The following SPAST variants were observed in gnomAD, a reference collection of about 807,000 sequenced individuals.
The protein encoded by SPAST is spastic paraplegia 4 (autosomal dominant; spastin).
In SPAST, 30 loss-of-function variants were observed where a neutral mutation model predicts 76.6. The ratio of observed to expected loss-of-function variants is 0.39; its 90% CI spans 0.29 to 0.53. The LOEUF is 0.53. SPAST is among the 20% of genes least tolerant of loss of function. SPAST has a pLI of 0.68. For missense variants in SPAST, 717 were observed against 770.5 expected (o/e 0.93, Z 0.82); for synonymous variants, 305 against 281.0 (o/e 1.09, Z -0.86).
intron 7 of SPAST, among the ~76,000 whole-genome samples, chr2:32,117,535 T>TC (rs1678882557): frequency 6.7e-6 from 1 of 149,646 alleles, no homozygotes; most frequent in Admixed American, 6.6e-5. Flanking sequence ...ATAATTCTTT[T>TC]TTTTTTTTTT....
intron 4 of SPAST, among the ~76,000 whole-genome samples, chr2:32,105,990 T>C (rs538794753): frequency 1.4e-4 from 21 of 152,318 alleles, no homozygotes; most frequent in African/African-American, 4.6e-4. Flanking sequence ...TTTAGAGCTG[T>C]CAGACAGGGA....
intron 7 of SPAST, among the ~76,000 whole-genome samples, chr2:32,123,389 A>C (rs1195235238): frequency 2.0e-5 from 3 of 152,238 alleles, no homozygotes; most frequent in African/African-American, 7.2e-5. Flanking sequence ...TCAAAGATCT[A>C]AGTAAACTGA....
intron 7 of SPAST, among the ~76,000 whole-genome samples, chr2:32,125,415 G>A (rs1021341217): frequency 6.6e-6 from 1 of 151,928 alleles, no homozygotes; most frequent in Non-Finnish European, 1.5e-5. Flanking sequence ...TAGAGACAGG[G>A]TTTCTCCATG....
rs543500030 is a variant in SPAST, at chr2:32,125,333, C to T, written c.1099-1615C>T. On this transcript the variant is annotated intron_variant, in intron 7 of 16. Transcript: ENST00000315285. ...CCGCCTCCAGGGTTCAAGCGATTCTCATGCCTCAACCTCCCGAGTAGCTGA... is the reference window on the plus strand; with the variant it reads ...CCGCCTCCAGGGTTCAAGCGATTCTTATGCCTCAACCTCCCGAGTAGCTGA... Among the ~76,000 whole-genome samples, 55 of 152,226 alleles carry T rather than the reference C, an allele frequency of 3.6e-4. 1 individual carries two copies. In the South Asian group the frequency reaches 9.9e-3, roughly 28 times the overall value.
At chr2:32,116,695 G>A (rs1678849600) in intron 7 of SPAST, among the ~76,000 whole-genome samples, 3 of 152,204 alleles carry the variant, frequency 2.0e-5, no homozygotes, top group Admixed American at 1.3e-4. Context: ...TTTCATACCT[G>A]ATGTCAAGTT....
chr2:32,110,498 TA>T (rs1678513831), intron 4 of SPAST, among the ~76,000 whole-genome samples: 1 of 131,056 alleles, frequency 7.6e-6, no homozygotes, highest in Non-Finnish European at 1.6e-5. Context: ...ACTATATATA[TA>T]GTATATATAG....
Position 32,063,718 on chromosome 2 carries a change from C to T in SPAST, c.-114C>T. ...TGCGGCAGTGCGGAGCTCCTGAGAC[C>T]GGCGGGCACACGGGGGTCTGTGGCC... On this transcript the variant is annotated 5_prime_UTR_variant, in exon 1 of 17. Coordinates refer to ENST00000315285, the MANE Select transcript of SPAST (RefSeq NM_014946.4). 3.5e-6 allele frequency: 5 copies of T among 1,414,512 alleles called. No homozygotes were observed. Among genetic ancestry groups the T allele is most frequent in the Non-Finnish European group, 4.7e-6 (5 of 1,057,854 alleles). The allele number at this position is 1,414,512 out of a possible 1,614,324, so 87.6% of individuals were successfully genotyped here.
intron 1 of SPAST, among the ~76,000 whole-genome samples, chr2:32,066,993 CCAAAAAAA>C (rs1558608362): frequency 2.5e-3 from 105 of 41,674 alleles, no homozygotes; most frequent in African/African-American, 6.5e-3. Flanking sequence ...AAAAAAAAAA[CCAAAAAAA>C]AAAAAACTGT....
intron 1 of SPAST, among the ~76,000 whole-genome samples, chr2:32,082,925 TG>T (rs1677298041): frequency 6.6e-6 from 1 of 152,190 alleles, no homozygotes; most frequent in South Asian, 2.1e-4. Context: ...CTAAATGATT[TG>T]GGTTGTTTCC....
chr2:32,114,423 A>T (rs1678741947), intron 4 of SPAST, among the ~76,000 whole-genome samples: 1 of 152,112 alleles, frequency 6.6e-6, no homozygotes, highest in Non-Finnish European at 1.5e-5. Flanking sequence ...GAAAATTAGA[A>T]TTATACGTTA....
At chr2:32,105,669 T>C (rs1052909068) in intron 4 of SPAST, among the ~76,000 whole-genome samples, 5 of 152,200 alleles carry the variant, frequency 3.3e-5, no homozygotes, top group Non-Finnish European at 5.9e-5. Flanking sequence ...TTGTTAATTT[T>C]CCTTCTAACA....
At chr2:32,077,505 A>G (rs543710366) in intron 1 of SPAST, among the ~76,000 whole-genome samples, 1 of 152,290 alleles carries the variant, frequency 6.6e-6, no homozygotes, top group South Asian at 2.1e-4. Flanking sequence ...GATTTTTGCC[A>G]CAAGTCAGAG....
intron 3 of SPAST, among the ~76,000 whole-genome samples, chr2:32,091,484 C>G (rs1293940001): frequency 6.8e-6 from 1 of 148,108 alleles, no homozygotes; most frequent in East Asian, 2.2e-4. Flanking sequence ...ACCATGTTGG[C>G]CAGGCTGGTC....
intron 1 of SPAST, among the ~76,000 whole-genome samples, chr2:32,086,500 C>T (rs935146537): frequency 1.3e-5 from 2 of 151,510 alleles, no homozygotes; most frequent in African/African-American, 4.9e-5. Context: ...CGGTGGCTCA[C>T]CTCTGTAATC....
chr2:32,109,745 G>T (rs1295536254), intron 4 of SPAST, among the ~76,000 whole-genome samples: 1 of 148,408 alleles, frequency 6.7e-6, no homozygotes, highest in Non-Finnish European at 1.5e-5. Flanking sequence ...AACTATATAT[G>T]TATAAGCTAT....
chr2:32,079,160 C>T (rs888317550), intron 1 of SPAST, among the ~76,000 whole-genome samples: 1 of 152,072 alleles, frequency 6.6e-6, no homozygotes, highest in Admixed American at 6.6e-5. Context: ...TTACAATCTG[C>T]AAAACCTCAT....
chr2:32,064,382 G>T lies in SPAST; in HGVS notation c.415+136G>T, dbSNP rs1676425575. The T allele has an allele frequency of 1.4e-5, 11 of 792,902 alleles. No homozygotes were observed. The East Asian group carries it at 3.0e-4, about 22-fold the overall frequency. 49.1% of individuals were successfully genotyped at this position (792,902 alleles called of 1,614,324 possible). On this transcript the variant is annotated intron_variant, in intron 1 of 16. Coordinates refer to ENST00000315285, the MANE Select transcript of SPAST (RefSeq NM_014946.4). ...CGGAATTGATATGCCCCGGGAGACTGCTTTCCCGTAGGTCGGAGCCTCATC... is the reference window on the plus strand; with the variant it reads ...CGGAATTGATATGCCCCGGGAGACTTCTTTCCCGTAGGTCGGAGCCTCATC...
In SPAST at chr2:32,063,663, A is replaced by C; in HGVS notation, c.-169A>C. 7.4e-6 allele frequency: 6 copies of C among 808,018 alleles called. No individual in the cohort carries two copies. Among genetic ancestry groups the C allele is most frequent in the Non-Finnish European group, 1.1e-5 (6 of 532,426 alleles). The allele number at this position is 808,018 out of a possible 1,614,324, so 50.1% of individuals were successfully genotyped here. ...AAGGGGTTGTGCTCCTGGCCGAGGAAGGAGAAAGGGGCGGGGCCGGCGGGC... is the reference window on the plus strand; with the variant it reads ...AAGGGGTTGTGCTCCTGGCCGAGGACGGAGAAAGGGGCGGGGCCGGCGGGC... On this transcript the variant is annotated 5_prime_UTR_variant, in exon 1 of 17. Transcript: ENST00000315285.
At chr2:32,110,869 A>G (rs1352344510) in intron 4 of SPAST, among the ~76,000 whole-genome samples, 2 of 117,762 alleles carry the variant, frequency 1.7e-5, no homozygotes, top group Admixed American at 1.9e-4. Context: ...TATATACAGT[A>G]TACTATATCG....
Sources: gnomAD v4.1 joint callset for allele counts (sites outside exome capture counted in the v4.1 genomes callset) on GRCh38, gnomAD v4.1.1 for gene constraint, MANE v1.5 for transcripts, NCBI Gene and HGNC (gene_info 2026-07-23, HGNC 2026-07-21) for gene names.